RGS6: variants seen among roughly 807,000 people sequenced by gnomAD.
RGS6 encodes regulator of G-protein signaling 6.
In RGS6, 30 loss-of-function variants were observed where a neutral mutation model predicts 78.5. That is an observed-to-expected ratio of 0.38 (90% CI 0.29 to 0.52). The LOEUF (loss-of-function observed/expected upper bound fraction) is 0.52. Ranked by LOEUF, RGS6 falls within the 20% of genes least tolerant of loss-of-function variation. RGS6 has a pLI of 0.85. For synonymous variants in RGS6, 206 were observed against 206.0 expected (o/e 1.00, Z 0.00); for missense variants, 495 against 609.7 (o/e 0.81, Z 1.98).
chr14:72,560,755 T>C (rs1039148309), intron 17 of RGS6, among the ~76,000 whole-genome samples: 3 of 151,440 alleles, frequency 2.0e-5, no homozygotes, highest in African/African-American at 7.3e-5. Context: ...TTTAGTGCAC[T>C]TGAAGATTCA....
At chr14:72,166,413 G>A (rs557595401) in intron 2 of RGS6, among the ~76,000 whole-genome samples, 2 of 152,186 alleles carry the variant, frequency 1.3e-5, no homozygotes, top group African/African-American at 4.8e-5. Flanking sequence ...CTATGACAAA[G>A]CAAAATTAAT....
chr14:71,981,998 T>A (rs911235143), intron 2 of RGS6, among the ~76,000 whole-genome samples: 8 of 152,270 alleles, frequency 5.3e-5, no homozygotes, highest in Admixed American at 4.6e-4. Context: ...GTGCGCCGTT[T>A]TTTAAGCCCG....
intron 2 of RGS6, among the ~76,000 whole-genome samples, chr14:72,136,508 A>G (rs957077788): frequency 6.6e-6 from 1 of 152,180 alleles, no homozygotes; most frequent in African/African-American, 2.4e-5. Flanking sequence ...ATATGGCAGC[A>G]GGCAAGAGAG....
chr14:72,018,363 T>C (rs1392720673), intron 2 of RGS6, among the ~76,000 whole-genome samples: 4 of 152,220 alleles, frequency 2.6e-5, no homozygotes, highest in African/African-American at 7.2e-5. Context: ...GATGTGCTTT[T>C]ATAACTTGTG....
chr14:72,113,597 C>G (rs2095820927), intron 2 of RGS6, among the ~76,000 whole-genome samples: 1 of 152,164 alleles, frequency 6.6e-6, no homozygotes, highest in Admixed American at 6.5e-5. Flanking sequence ...AAACCACTAC[C>G]AAAAGTTAGT....
chr14:72,416,782 G>A (rs757504242), intron 3 of RGS6, among the ~76,000 whole-genome samples: 23 of 152,218 alleles, frequency 1.5e-4, no homozygotes, highest in Non-Finnish European at 2.6e-4. Context: ...TATGAGCATT[G>A]ACAACAGACT....
In RGS6 at chr14:72,054,107, A is replaced by G. The variant is rs1297317331; in HGVS notation, c.84+89232A>G. On this transcript the variant is annotated intron_variant, in intron 2 of 17. Transcript: ENST00000553525. ...AATAATCCTTCCCTTTCCAACCAACATGAAGATGACTGATACACCCATCAT... is the reference window on the plus strand; with the variant it reads ...AATAATCCTTCCCTTTCCAACCAACGTGAAGATGACTGATACACCCATCAT... Among the ~76,000 whole-genome samples the G allele has an allele frequency of 5.9e-5, 9 of 152,324 alleles. No homozygotes were observed. In the East Asian group the frequency reaches 1.7e-3, roughly 29 times the overall value.
intron 17 of RGS6, among the ~76,000 whole-genome samples, chr14:72,551,909 A>C (rs2097512187): frequency 6.6e-6 from 1 of 152,244 alleles, no homozygotes. Context: ...CATCCATAAA[A>C]GGGAGATAAG....
chr14:72,252,349 A>G (rs927239241), intron 2 of RGS6, among the ~76,000 whole-genome samples: 2 of 152,234 alleles, frequency 1.3e-5, no homozygotes, highest in African/African-American at 2.4e-5. Flanking sequence ...CTATGTATCA[A>G]TTACATGTAC....
At chr14:72,596,582 C>G in the RGS6 span, among the ~76,000 whole-genome samples, 1 of 152,122 alleles carries the variant, frequency 6.6e-6, no homozygotes, top group Non-Finnish European at 1.5e-5. Context: ...AAAAAAAGTT[C>G]AGGAAATGAA....
At chr14:72,398,225 G>C (rs867775341) in intron 3 of RGS6, among the ~76,000 whole-genome samples, 6,452 of 150,634 alleles carry the variant, frequency 0.043, 187 homozygotes, top group Middle Eastern at 0.072. Flanking sequence ...GCCTCAATTT[G>C]AGAGCCTGTT....
intron 2 of RGS6, among the ~76,000 whole-genome samples, chr14:72,249,644 A>G (rs1424365547): frequency 2.0e-5 from 3 of 152,184 alleles, no homozygotes; most frequent in African/African-American, 7.2e-5. Context: ...TGTGAATGCA[A>G]TGAAGGATCA....
intron 3 of RGS6, among the ~76,000 whole-genome samples, chr14:72,368,452 C>G (rs1206563516): frequency 6.6e-6 from 1 of 152,096 alleles, no homozygotes; most frequent in Non-Finnish European, 1.5e-5. Context: ...AGGGGACATC[C>G]AAACCATTGC....
At chr14:72,312,760 T>A (rs1251019284) in intron 2 of RGS6, among the ~76,000 whole-genome samples, 5 of 151,816 alleles carry the variant, frequency 3.3e-5, no homozygotes, top group African/African-American at 1.2e-4. Flanking sequence ...TAGAAGAGAG[T>A]GTGACACATA....
intron 2 of RGS6, chr14:72,022,449 A>G (rs1026760251): frequency 2.0e-5 from 3 of 152,360 alleles, no homozygotes; most frequent in African/African-American, 7.2e-5. Flanking sequence ...AGAAAAAAGT[A>G]GAGCAAGGAG....
At chr14:72,569,248 A>G (rs1418251701), downstream of RGS6, among the ~76,000 whole-genome samples, 1 of 152,162 alleles carries the variant, frequency 6.6e-6, no homozygotes, top group Non-Finnish European at 1.5e-5. Context: ...TATAACCCCC[A>G]CTGAAAATCA....
At chr14:72,361,539 A>T (rs979236277) in intron 3 of RGS6, among the ~76,000 whole-genome samples, 71 of 152,190 alleles carry the variant, frequency 4.7e-4, no homozygotes, top group Non-Finnish European at 4.4e-4. Context: ...AAAGATTGTG[A>T]TTATTGGCAG....
Position 72,564,639 on chromosome 14 carries a change from T to A in RGS6, c.*2172T>A, listed in dbSNP as rs1488915663. On this transcript the variant is annotated 3_prime_UTR_variant, in exon 18 of 18. Coordinates refer to ENST00000553525, the MANE Select transcript of RGS6 (RefSeq NM_001204424.2). Reference sequence around the variant, plus strand: ...CCTGGCTGCCCCCTGCTCCTCCCCATGATGCAGGGGCTTTCTAAGCCAGGC... The same window carrying A: ...CCTGGCTGCCCCCTGCTCCTCCCCAAGATGCAGGGGCTTTCTAAGCCAGGC... 6.6e-6 allele frequency: 1 copy of A among 152,174 alleles called. No individual in the cohort carries two copies. The highest frequency in any genetic ancestry group is 2.4e-5 in the African/African-American group (1 of 41,446). The allele number at this position is 152,174 out of a possible 1,614,324, so 9.4% of individuals were successfully genotyped here. A position where few individuals can be genotyped will look rare whatever the true frequency, so the allele number is the denominator to read the frequency against.
At chr14:72,494,269 C>T (rs1048102477) in intron 12 of RGS6, among the ~76,000 whole-genome samples, 1 of 152,006 alleles carries the variant, frequency 6.6e-6, no homozygotes, top group Non-Finnish European at 1.5e-5. Context: ...TTACACTGAC[C>T]ATTGATTTAA....
Sources: gnomAD v4.1 joint callset for allele counts (sites outside exome capture counted in the v4.1 genomes callset) on GRCh38, gnomAD v4.1.1 for gene constraint, MANE v1.5 for transcripts, NCBI Gene and HGNC (gene_info 2026-07-23, HGNC 2026-07-21) for gene names.